The following HSD17B6 variants were observed in gnomAD, a reference collection of about 807,000 sequenced individuals.
The protein encoded by HSD17B6 is 17-beta-hydroxysteroid dehydrogenase type 6.
Under a neutral mutation model 26.4 loss-of-function variants are expected in HSD17B6, and 16 were observed. That is an observed-to-expected ratio of 0.61 (90% CI 0.41 to 0.92). HSD17B6 has a LOEUF of 0.92. Among genes scored for constraint, HSD17B6 ranks in the 40% least tolerant of loss-of-function variants. The pLI, the probability that HSD17B6 is intolerant of heterozygous loss-of-function variation, is 0.00. For synonymous variants in HSD17B6, 139 were observed against 153.0 expected (o/e 0.91, Z 0.68); for missense variants, 357 against 386.1 (o/e 0.92, Z 0.63).
intron 1 of HSD17B6, among the ~76,000 whole-genome samples, chr12:56,771,130 T>A (rs1329577179): frequency 1.3e-5 from 2 of 152,204 alleles, no homozygotes; most frequent in Non-Finnish European, 2.9e-5. Context: ...TTGCTCAGGC[T>A]CATGGGCCTG....
At chr12:56,784,778 T>C in intron 3 of HSD17B6, 75 bp from the exon 4 acceptor site, 1 of 1,414,108 alleles carries the variant, frequency 7.1e-7, no homozygotes. Context: ...ATAATCTTTT[T>C]TGTTTTGCTT....
intron 2 of HSD17B6, among the ~76,000 whole-genome samples, chr12:56,777,059 C>T (rs1326920917): frequency 6.6e-6 from 1 of 152,202 alleles, no homozygotes; most frequent in Non-Finnish European, 1.5e-5. Flanking sequence ...AATAACTCCT[C>T]ACTCTAGGAG....
intron 1 of HSD17B6, among the ~76,000 whole-genome samples, chr12:56,769,532 C>T (rs898611): frequency 0.57 from 87,301 of 151,968 alleles, 26,337 homozygotes; most frequent in South Asian, 0.74. Context: ...TTTCTAGGCT[C>T]GACCTCAAAA....
intron 1 of HSD17B6, among the ~76,000 whole-genome samples, chr12:56,763,801 G>C (rs1954257928): frequency 6.6e-6 from 1 of 151,986 alleles, no homozygotes; most frequent in Admixed American, 6.6e-5. Flanking sequence ...GGCCTTCTGT[G>C]ATTGGGCCAA....
intron 1 of HSD17B6, among the ~76,000 whole-genome samples, chr12:56,765,772 A>G (rs1367323859): frequency 6.6e-6 from 1 of 152,026 alleles, no homozygotes; most frequent in African/African-American, 2.4e-5. Flanking sequence ...CTTCTAAAGT[A>G]TTGGGATTAC....
At chr12:56,769,760 T>G (rs558826676) in intron 1 of HSD17B6, among the ~76,000 whole-genome samples, 1 of 152,292 alleles carries the variant, frequency 6.6e-6, no homozygotes, top group African/African-American at 2.4e-5. Context: ...TGCAGATGAA[T>G]GGTTTGTAAA....
At chr12:56,770,395 T>G (rs1954444705) in intron 1 of HSD17B6, 1 of 152,472 alleles carries the variant, frequency 6.6e-6, no homozygotes, top group African/African-American at 2.4e-5. Context: ...AAGATTGGCT[T>G]CTGTGCCCTT....
chr12:56,779,800 C>CGT (rs1954673171), intron 2 of HSD17B6, among the ~76,000 whole-genome samples: 2 of 115,726 alleles, frequency 1.7e-5, no homozygotes, highest in African/African-American at 9.4e-5. Flanking sequence ...CCTCTTTTTA[C>CGT]CTTTTTTTTT....
chr12:56,785,967 G>C, intron 4 of HSD17B6: 6 of 984,774 alleles, frequency 6.1e-6, no homozygotes, highest in Non-Finnish European at 7.2e-6. Flanking sequence ...TGAAGACCTG[G>C]AGGAGGAGGT....
At chr12:56,764,596 C>A (rs1954282441) in intron 1 of HSD17B6, among the ~76,000 whole-genome samples, 1 of 152,134 alleles carries the variant, frequency 6.6e-6, no homozygotes, top group South Asian at 2.1e-4. Flanking sequence ...AATAATAAGA[C>A]AACAACTACC....
chr12:56,770,564 C>T (rs899736486), intron 1 of HSD17B6: 1 of 152,122 alleles, frequency 6.6e-6, no homozygotes, highest in African/African-American at 2.4e-5. Context: ...TTTTTTCTCT[C>T]AATTTTTTAT....
At chr12:56,778,304 T>G (rs1442416803) in intron 2 of HSD17B6, among the ~76,000 whole-genome samples, 1 of 152,200 alleles carries the variant, frequency 6.6e-6, no homozygotes, top group Admixed American at 6.5e-5. Flanking sequence ...TTTTCTTTCT[T>G]GGAGATAGAG....
intron 1 of HSD17B6, among the ~76,000 whole-genome samples, chr12:56,772,506 C>A (rs999817510): frequency 1.3e-5 from 2 of 151,630 alleles, no homozygotes; most frequent in Non-Finnish European, 2.9e-5. Flanking sequence ...ACTAGCCTGG[C>A]CAACATGGTA....
chr12:56,777,839 C>G (rs1432181794), intron 2 of HSD17B6, among the ~76,000 whole-genome samples: 1 of 152,104 alleles, frequency 6.6e-6, no homozygotes, highest in African/African-American at 2.4e-5. Context: ...CTGGGCAACA[C>G]AGTGAGATAC....
At chr12:56,774,658 A>G (rs1954552172) in intron 2 of HSD17B6, among the ~76,000 whole-genome samples, 1 of 152,250 alleles carries the variant, frequency 6.6e-6, no homozygotes, top group Admixed American at 6.5e-5. Context: ...CTGTATCTAC[A>G]TGGTCCCATC....
intron 3 of HSD17B6, among the ~76,000 whole-genome samples, chr12:56,783,477 T>A (rs1232462898): frequency 7.2e-6 from 1 of 138,712 alleles, no homozygotes; most frequent in Non-Finnish European, 1.6e-5. Context: ...ATGGGGCAGC[T>A]GGCCGGGCGG....
At chr12:56,783,395 C>A (rs1453591085) in intron 3 of HSD17B6, among the ~76,000 whole-genome samples, 2 of 108,556 alleles carry the variant, frequency 1.8e-5, no homozygotes, top group Non-Finnish European at 3.9e-5. Flanking sequence ...CCGGACGGGG[C>A]GGCTGGCCGG....
chr12:56,776,725 C>T (rs1196383589), intron 2 of HSD17B6, among the ~76,000 whole-genome samples: 2 of 152,164 alleles, frequency 1.3e-5, no homozygotes, highest in Non-Finnish European at 2.9e-5. Context: ...AATAATAGCT[C>T]ACTGCAGCAC....
At chr12:56,775,643 CTT>C (rs564045139) in intron 2 of HSD17B6, among the ~76,000 whole-genome samples, 1 of 147,546 alleles carries the variant, frequency 6.8e-6, no homozygotes. Context: ...ACAATTTTCC[CTT>C]TTTTTTTTGA....
Sources: gnomAD v4.1 joint callset for allele counts (sites outside exome capture counted in the v4.1 genomes callset) on GRCh38, gnomAD v4.1.1 for gene constraint, MANE v1.5 for transcripts, NCBI Gene and HGNC (gene_info 2026-07-23, HGNC 2026-07-21) for gene names.